The following PPP1CC variants were observed in gnomAD, a reference collection of about 807,000 sequenced individuals.
PPP1CC encodes the protein protein phosphatase 1 catalytic subunit gamma.
In PPP1CC, 16 loss-of-function variants were observed where a neutral mutation model predicts 38.4. That is an observed-to-expected ratio of 0.42 (90% CI 0.28 to 0.63). The LOEUF (loss-of-function observed/expected upper bound fraction) is 0.63. PPP1CC is among the 30% of genes least tolerant of loss of function. The pLI is 0.25. For synonymous variants in PPP1CC, 158 were observed against 136.0 expected, an observed-to-expected ratio of 1.16 and a Z score of -1.13; for missense variants, 170 against 391.3, an observed-to-expected ratio of 0.43 and a Z score of 4.77.
At chr12:110,731,635 A>C (rs2069873236) in intron 2 of PPP1CC, 135 bp downstream of exon 2, 1 of 883,098 alleles carries the variant, frequency 1.1e-6, no homozygotes, top group African/African-American at 1.7e-5. Flanking sequence ...GCTACTATTT[A>C]ACTTACTTTT....
intron 1 of PPP1CC, among the ~76,000 whole-genome samples, chr12:110,735,521 C>A (rs2069933061): frequency 6.6e-6 from 1 of 152,192 alleles, no homozygotes; most frequent in African/African-American, 2.4e-5. Context: ...GTGGCTCATG[C>A]CTGTAATCCC....
rs1398468031 is a variant in PPP1CC, at chr12:110,742,863, C to G, written c.-156G>C. ...CCTGCCACCCCGCTCCCTACTTCCT[C>G]CTTCTCTCCCCACTGGAACCACGAG... On this transcript the variant is annotated 5_prime_UTR_variant, in exon 1 of 7. Transcript: ENST00000335007. 4.4e-6 allele frequency: 2 copies of G among 456,330 alleles called. No homozygotes were observed. The highest frequency in any genetic ancestry group is 8.8e-5 in the Admixed American group (2 of 22,626). The allele number at this position is 456,330 out of a possible 1,614,324, so 28.3% of individuals were successfully genotyped here.
Position 110,722,449 on chromosome 12 carries a change from C to T in PPP1CC, c.747+23G>A. ...GCTCACACACATGCTCTTAAGTGTA[C>T]ATGTAAAATTCAAAATCAATACCTG... On this transcript the variant is annotated intron_variant, in intron 5 of 6. Transcript: ENST00000335007. The surrounding 1 kb of genome is among the most constrained non-coding windows in gnomAD (Gnocchi z 5.4). The T allele has an allele frequency of 6.2e-7, 1 of 1,606,516 alleles. No individual in the cohort carries two copies. The highest frequency in any genetic ancestry group is 8.5e-7 in the Non-Finnish European group (1 of 1,173,082).
At chr12:110,728,067 G>T (rs189285201) in intron 3 of PPP1CC, among the ~76,000 whole-genome samples, 1 of 152,206 alleles carries the variant, frequency 6.6e-6, no homozygotes, top group East Asian at 1.9e-4. Flanking sequence ...AACATGAAAA[G>T]TATTTGCTGG....
chr12:110,716,215 C>T (rs1057416368), downstream of PPP1CC, among the ~76,000 whole-genome samples: 4 of 152,094 alleles, frequency 2.6e-5, no homozygotes, highest in East Asian at 1.9e-4. Context: ...AAAGACTTGC[C>T]GTACTGATTC....
At position 110,731,894 on chromosome 12, in the gene PPP1CC, C is replaced by T; in HGVS notation, c.63G>A (p.Gly21=). 1.2e-6 allele frequency: 2 copies of T among 1,612,506 alleles called. No homozygotes were observed. The highest frequency in any genetic ancestry group is 1.3e-5 in the African/African-American group (1 of 74,876). ...GCTGGACATTCTTACCAGGCTTGGA[C>T]CCTCTCACTGCAAGAGAAAAATCGC... The part of the protein sequence containing the change: ...SIIQRLLEVR[G]SKPGKNVQLQ... The change falls in exon 2 of 7, where the codon GGG becomes GGA. Residue 21 remains glycine (G), a synonymous_variant. Coordinates refer to ENST00000335007, the MANE Select transcript of PPP1CC (RefSeq NM_002710.4).
At chr12:110,731,983 T>C (rs776271450) in intron 1 of PPP1CC, 82 bp from the exon 2 acceptor site, 2 of 1,492,334 alleles carry the variant, frequency 1.3e-6, no homozygotes, top group Admixed American at 3.8e-5. Flanking sequence ...GGCAAAAACA[T>C]GGTTTAACTA....
Position 110,722,378 on chromosome 12 carries a change from A to G in PPP1CC, c.747+94T>C. On this transcript the variant is annotated intron_variant, in intron 5 of 6. Coordinates refer to ENST00000335007, the MANE Select transcript of PPP1CC (RefSeq NM_002710.4). This position sits in a 1 kb window ranked among gnomAD's most constrained non-coding sequence, Gnocchi z 5.4. ...ATCTTGTGTTCCAGAAACACTTTGTATAAATAAGCAATACCTACCCACCAA... is the reference window on the plus strand; with the variant it reads ...ATCTTGTGTTCCAGAAACACTTTGTGTAAATAAGCAATACCTACCCACCAA... The G allele has an allele frequency of 6.4e-7, 1 of 1,557,652 alleles. No homozygotes were observed. Among genetic ancestry groups the G allele is most frequent in the South Asian group, 1.1e-5 (1 of 88,838 alleles).
chr12:110,710,916 T>C, the PPP1CC span, among the ~76,000 whole-genome samples: 3 of 151,970 alleles, frequency 2.0e-5, no homozygotes, highest in Middle Eastern at 0.01. Context: ...CTGACGTCTG[T>C]AATCCCAGCA....
chr12:110,730,803 C>T (rs1426528925), intron 2 of PPP1CC, 44 bp from the exon 3 acceptor site: 1 of 1,272,098 alleles, frequency 7.9e-7, no homozygotes, highest in Admixed American at 2.2e-5. Context: ...ATACTTAAAG[C>T]TCAATCCACT....
chr12:110,708,858 A>AG, the PPP1CC span, among the ~76,000 whole-genome samples: 1 of 151,192 alleles, frequency 6.6e-6, no homozygotes, highest in African/African-American at 2.4e-5. Flanking sequence ...CTCAAAAAAA[A>AG]AAAAAAAAAA....
chr12:110,730,980 C>G (rs1356842831), intron 2 of PPP1CC, among the ~76,000 whole-genome samples: 10 of 152,140 alleles, frequency 6.6e-5, no homozygotes, highest in Admixed American at 6.6e-4. Flanking sequence ...ATGTCCAGAA[C>G]CTCACATAAA....
Position 110,721,011 on chromosome 12 carries a change from G to A in PPP1CC, c.*65C>T. 7.0e-7 allele frequency: 1 copy of A among 1,430,150 alleles called. No homozygotes were observed. Among genetic ancestry groups the A allele is most frequent in the Non-Finnish European group, 9.9e-7 (1 of 1,014,662 alleles). The allele number at this position is 1,430,150 out of a possible 1,614,324, so 88.6% of individuals were successfully genotyped here. A position where few individuals can be genotyped will look rare whatever the true frequency, so the allele number is the denominator to read the frequency against. On this transcript the variant is annotated 3_prime_UTR_variant, in exon 7 of 7. Coordinates refer to ENST00000335007, the MANE Select transcript of PPP1CC (RefSeq NM_002710.4). The stretch of plus-strand genomic sequence containing the variant: ...AGCAAGCTGACCAGTACACATTACA[G>A]TCTTAAAAATGAAGGTTATATACTC...
At chr12:110,718,076 T>C (rs2069701458), downstream of PPP1CC, among the ~76,000 whole-genome samples, 1 of 152,218 alleles carries the variant, frequency 6.6e-6, no homozygotes, top group Admixed American at 6.5e-5. Context: ...GCCTTCTTCA[T>C]GGCTCAGCAT....
chr12:110,739,466 T>C (rs2069987456), intron 1 of PPP1CC, among the ~76,000 whole-genome samples: 1 of 151,972 alleles, frequency 6.6e-6, no homozygotes, highest in East Asian at 1.9e-4. Flanking sequence ...CACCAGAATA[T>C]GAACGTTTTA....
chr12:110,720,385 G>C lies in PPP1CC; in HGVS notation c.*691C>G. The stretch of plus-strand genomic sequence containing the variant: ...ACCATACCACCTTGTACTTAGGGGT[G>C]TGTCAAAACATAATTCAACAGAAAC... On this transcript the variant is annotated 3_prime_UTR_variant, in exon 7 of 7. Coordinates refer to ENST00000335007, the MANE Select transcript of PPP1CC (RefSeq NM_002710.4). The C allele has an allele frequency of 4.0e-6, 2 of 503,582 alleles. No individual in the cohort carries two copies. The highest frequency in any genetic ancestry group is 3.2e-5 in the South Asian group (1 of 31,380). The allele number at this position is 503,582 out of a possible 1,614,324, so 31.2% of individuals were successfully genotyped here. A position where few individuals can be genotyped will look rare whatever the true frequency, so the allele number is the denominator to read the frequency against.
downstream of PPP1CC, among the ~76,000 whole-genome samples, chr12:110,717,499 T>G (rs1037862008): frequency 2.0e-5 from 3 of 152,170 alleles, no homozygotes; most frequent in Non-Finnish European, 4.4e-5. Flanking sequence ...GTTCACGCCA[T>G]TCTCCTGCCT....
chr12:110,734,465 T>A (rs1245834611), intron 1 of PPP1CC, among the ~76,000 whole-genome samples: 1 of 152,154 alleles, frequency 6.6e-6, no homozygotes, highest in Non-Finnish European at 1.5e-5. Context: ...TGCCTCAGCC[T>A]CCCGAGTACC....
chr12:110,719,544 A>G (rs1431029224), downstream of PPP1CC: 1 of 152,432 alleles, frequency 6.6e-6, no homozygotes, highest in African/African-American at 2.4e-5. Context: ...AGAACTGTGC[A>G]TGAAAATATA....
Sources: allele counts gnomAD v4.1 joint callset (sites outside exome capture counted in the v4.1 genomes callset), GRCh38; gene constraint gnomAD v4.1.1; non-coding constraint Gnocchi (gnomAD v3.1); transcripts MANE v1.5; gene names NCBI Gene and HGNC (gene_info 2026-07-23, HGNC 2026-07-21).